SHCBP1L: variants seen among roughly 807,000 people sequenced by gnomAD.
SHCBP1L encodes testicular spindle-associated protein SHCBP1L.
SHCBP1L carries 67 observed loss-of-function variants against 62.5 expected under a neutral mutation model. The observed-to-expected ratio is 1.07, with a 90% CI of 0.88 to 1.31. The LOEUF (loss-of-function observed/expected upper bound fraction) is 1.31. Ranked by LOEUF, SHCBP1L falls within the 40% of genes most tolerant of loss-of-function variation. The pLI is 0.00. For missense variants in SHCBP1L, 823 were observed against 809.8 expected (o/e 1.02, Z -0.20); for synonymous variants, 284 against 289.4 (o/e 0.98, Z 0.19).
intron 6 of SHCBP1L, among the ~76,000 whole-genome samples, chr1:182,924,360 T>G (rs974318665): frequency 6.6e-6 from 1 of 150,952 alleles, no homozygotes; most frequent in African/African-American, 2.4e-5. Flanking sequence ...GTGCAGTGGC[T>G]GATCTCAGTT....
At chr1:182,924,790 G>GAAAGAAAGAAAGAAAGAA (rs1228003168) in intron 6 of SHCBP1L, among the ~76,000 whole-genome samples, 1 of 73,356 alleles carries the variant, frequency 1.4e-5, no homozygotes, top group Non-Finnish European at 2.6e-5. Context: ...GAAAGAAAGA[G>GAAAGAAAGAAAGAAAGAA]AGAAAGAAAG....
At chr1:182,900,265 C>A in intron 9 of SHCBP1L, 31 bp from the exon 10 acceptor site, 1 of 1,490,170 alleles carries the variant, frequency 6.7e-7, no homozygotes, top group Non-Finnish European at 9.0e-7. Flanking sequence ...ATTAGTTTTT[C>A]AATGATTTTA....
intron 6 of SHCBP1L, among the ~76,000 whole-genome samples, chr1:182,917,423 T>C (rs1018113925): frequency 6.6e-6 from 1 of 152,216 alleles, no homozygotes; most frequent in Admixed American, 6.5e-5. Flanking sequence ...TCTGTATTTT[T>C]AGTAGAGGTG....
intron 6 of SHCBP1L, among the ~76,000 whole-genome samples, chr1:182,928,494 G>T (rs1379354951): frequency 6.6e-6 from 1 of 152,154 alleles, no homozygotes; most frequent in African/African-American, 2.4e-5. Flanking sequence ...ATTATGAAAG[G>T]TTGAGAAGGC....
At chr1:182,918,461 G>T (rs1650429794) in intron 6 of SHCBP1L, among the ~76,000 whole-genome samples, 1 of 151,722 alleles carries the variant, frequency 6.6e-6, no homozygotes, top group South Asian at 2.1e-4. Flanking sequence ...GGAGGTGAAG[G>T]ACTTGTATAC....
intron 6 of SHCBP1L, among the ~76,000 whole-genome samples, chr1:182,920,183 C>T (rs1650486451): frequency 6.6e-6 from 1 of 152,138 alleles, no homozygotes; most frequent in South Asian, 2.1e-4. Flanking sequence ...AGTGTTGTTA[C>T]CAGCAGACTG....
chr1:182,903,965 A>G (rs943167638), intron 8 of SHCBP1L, among the ~76,000 whole-genome samples: 2 of 152,214 alleles, frequency 1.3e-5, no homozygotes, highest in Non-Finnish European at 2.9e-5. Context: ...TTATAAAACA[A>G]AGCTAAATAT....
At chr1:182,924,935 G>GAAGGAAGGAAGA (rs1469823824) in intron 6 of SHCBP1L, among the ~76,000 whole-genome samples, 2 of 62,346 alleles carry the variant, frequency 3.2e-5, no homozygotes, top group Non-Finnish European at 5.3e-5. Flanking sequence ...AGGAAGGAAG[G>GAAGGAAGGAAGA]AAGAAAGAAA....
intron 1 of SHCBP1L, chr1:182,952,495 C>A: frequency 2.0e-6 from 1 of 497,184 alleles, no homozygotes; most frequent in Non-Finnish European, 3.5e-6. Flanking sequence ...TCAGGGCTGT[C>A]CCGTTACCTG....
chr1:182,941,270 AAAG>A (rs1651355376), intron 2 of SHCBP1L, among the ~76,000 whole-genome samples: 1 of 151,724 alleles, frequency 6.6e-6, no homozygotes, highest in East Asian at 1.9e-4. Flanking sequence ...AAAAAAAAAA[AAAG>A]GAGAAAGGAC....
chr1:182,946,758 C>T (rs920413662), intron 2 of SHCBP1L, among the ~76,000 whole-genome samples: 15 of 152,178 alleles, frequency 9.9e-5, no homozygotes, highest in African/African-American at 3.6e-4. Flanking sequence ...CAACATGTTC[C>T]TGAGGTTCTG....
At chr1:182,930,728 T>TG (rs1650969514) in intron 5 of SHCBP1L, among the ~76,000 whole-genome samples, 6 of 4,478 alleles carry the variant, frequency 1.3e-3, no homozygotes, top group Non-Finnish European at 1.1e-3. Context: ...TATATATGTA[T>TG]TTTTTTTTTT....
rs112239348 is a variant in SHCBP1L, at chr1:182,912,905, G to C, written c.1183-7256C>G. On this transcript the variant is annotated intron_variant, in intron 6 of 9. Coordinates refer to ENST00000367547, the MANE Select transcript of SHCBP1L (RefSeq NM_030933.4). ...TAATCCTAGCACTTTGGGAGGCTGA[G>C]GTGGGTGGATCACAAGGTCAGGAGT... Among the ~76,000 whole-genome samples the C allele has an allele frequency of 2.4e-3, 371 of 151,864 alleles. 1 individual carries two copies. The highest frequency in any genetic ancestry group is 8.7e-3 in the African/African-American group (359 of 41,500).
chr1:182,904,534 CGTGTGTGTGTGT>C (rs61031217), intron 7 of SHCBP1L, 104 bp from the exon 8 acceptor site: 226 of 599,778 alleles, frequency 3.8e-4, no homozygotes, highest in African/African-American at 1.9e-3. Flanking sequence ...TCCCTGTGTG[CGTGTGTGTGTGT>C]GTGTGTGTGT....
intron 6 of SHCBP1L, among the ~76,000 whole-genome samples, chr1:182,920,291 G>A (rs564628425): frequency 1.1e-4 from 17 of 152,216 alleles, no homozygotes; most frequent in African/African-American, 2.4e-4. Flanking sequence ...CCAGGGTTGC[G>A]CATGCAGCCC....
intron 6 of SHCBP1L, among the ~76,000 whole-genome samples, chr1:182,919,642 A>C (rs750413999): frequency 5.9e-5 from 9 of 152,224 alleles, no homozygotes; most frequent in Non-Finnish European, 1.2e-4. Context: ...CCATGCATAG[A>C]CCACTAGGTG....
In SHCBP1L at chr1:182,903,130, A is replaced by G. The variant is rs1183895836; in HGVS notation, c.1619T>C (p.Ile540Thr). 6.2e-7 allele frequency: 1 copy of G among 1,601,698 alleles called. No homozygotes were observed. Among genetic ancestry groups the G allele is most frequent in the Non-Finnish European group, 8.5e-7 (1 of 1,173,628 alleles). ...GAGVELYPGS[I>T]AILERNEIHH... ...AATTTCATTTCTTTCCAAAATAGCT[A>G]TGCTTCCAGGATACAGTTCAACACC... The change falls in exon 9 of 10, where the codon ATA (isoleucine) becomes ACA (threonine). Residue 540 changes from isoleucine (I) to threonine (T), a missense_variant. By Grantham distance (89) the Ile-to-Thr change is moderately conservative. Coordinates refer to ENST00000367547, the MANE Select transcript of SHCBP1L (RefSeq NM_030933.4).
At chr1:182,932,169 G>A (rs1651027153) in intron 5 of SHCBP1L, among the ~76,000 whole-genome samples, 1 of 145,798 alleles carries the variant, frequency 6.9e-6, no homozygotes, top group African/African-American at 2.7e-5. Flanking sequence ...TCCTTGTCTG[G>A]GTGTCCCACA....
chr1:182,937,514 T>C (rs919469241), intron 5 of SHCBP1L, among the ~76,000 whole-genome samples: 5 of 152,200 alleles, frequency 3.3e-5, no homozygotes, highest in African/African-American at 1.2e-4. Context: ...ATATTTATCC[T>C]GTTTGGTGTT....
Sources: allele counts gnomAD v4.1 joint callset (sites outside exome capture counted in the v4.1 genomes callset), GRCh38; gene constraint gnomAD v4.1.1; transcripts MANE v1.5; gene names NCBI Gene and HGNC (gene_info 2026-07-23, HGNC 2026-07-21).